The following WRN variants were observed in gnomAD, a reference collection of about 807,000 sequenced individuals.
WRN encodes bifunctional 3'-5' exonuclease/ATP-dependent helicase WRN.
WRN carries 149 observed loss-of-function variants against 180.7 expected under a neutral mutation model. That is an observed-to-expected ratio of 0.82 (90% confidence interval 0.72 to 0.94). The LOEUF (loss-of-function observed/expected upper bound fraction) is 0.94, where lower values mean the gene tolerates loss of function less well. WRN is among the 40% of genes least tolerant of loss of function. The probability of loss-of-function intolerance (pLI) is 0.00; values close to 1 mark genes in which losing one functional copy is unlikely to be tolerated. For synonymous variants in WRN, 548 were observed against 568.9 expected (o/e 0.96, Z 0.52); for missense variants, 1,661 against 1,700.1 (o/e 0.98, Z 0.40).
intron 1 of WRN, among the ~76,000 whole-genome samples, chr8:31,034,219 T>G (rs536656368): frequency 6.6e-6 from 1 of 152,316 alleles, no homozygotes; most frequent in East Asian, 1.9e-4. Context: ...AGCTTGATGT[T>G]TACCTTGCGC....
intron 14 of WRN, 37 bp from the exon 15 acceptor site, chr8:31,090,797 T>A (rs762890767): frequency 1.3e-6 from 2 of 1,500,278 alleles, no homozygotes; most frequent in South Asian, 2.4e-5. Flanking sequence ...ATTTCTATAT[T>A]TTTTTCATTT....
At chr8:31,060,173 T>C (rs1228362951) in intron 3 of WRN, among the ~76,000 whole-genome samples, 1 of 152,170 alleles carries the variant, frequency 6.6e-6, no homozygotes, top group Non-Finnish European at 1.5e-5. Context: ...AATCTAAGGC[T>C]CTCAAAGCAT....
intron 19 of WRN, among the ~76,000 whole-genome samples, chr8:31,112,935 G>T (rs1180467768): frequency 6.6e-6 from 1 of 151,972 alleles, no homozygotes; most frequent in Non-Finnish European, 1.5e-5. Context: ...TCCAATCATG[G>T]TGTCTCACAC....
chr8:31,154,898 G>GAAAACAACATTCTCTTTT, intron 32 of WRN, 143 bp downstream of exon 32: 1 of 1,165,754 alleles, frequency 8.6e-7, no homozygotes, highest in Non-Finnish European at 1.2e-6. Flanking sequence ...AATTTTAAAA[G>GAAAACAACATTCTCTTTT]AGAATGTTGT....
chr8:31,037,067 T>C (rs1430151776), intron 1 of WRN, among the ~76,000 whole-genome samples: 1 of 152,212 alleles, frequency 6.6e-6, no homozygotes, highest in African/African-American at 2.4e-5. Context: ...TCTATTATTA[T>C]TACATTGTAA....
chr8:31,152,010 G>T (rs1037913234), intron 31 of WRN, among the ~76,000 whole-genome samples: 3 of 151,838 alleles, frequency 2.0e-5, no homozygotes, highest in Admixed American at 2.0e-4. Flanking sequence ...GGAAAAATAT[G>T]CTAAAATATT....
Position 31,137,400 on chromosome 8 carries a change from T to C in WRN, c.2968-4030T>C, listed in dbSNP as rs189566759. Among the ~76,000 whole-genome samples the C allele has an allele frequency of 2.3e-3, 355 of 152,210 alleles. 2 individuals carry two copies. The highest frequency in any genetic ancestry group is 4.8e-3 in the South Asian group (23 of 4,814). On this transcript the variant is annotated intron_variant, in intron 24 of 34. Transcript: ENST00000298139. ...TTCTAGTTAGGGAACTTAATACCTT[T>C]GAAGTTATTAGTTTGCAAGCAATAG...
chr8:31,152,566 G>T (rs1043032103), intron 31 of WRN, among the ~76,000 whole-genome samples: 2 of 151,728 alleles, frequency 1.3e-5, no homozygotes, highest in African/African-American at 4.8e-5. Flanking sequence ...AAGATGAGTG[G>T]TCAATTATAG....
chr8:31,080,562 T>C (rs1250634234), intron 8 of WRN, among the ~76,000 whole-genome samples: 1 of 151,996 alleles, frequency 6.6e-6, no homozygotes, highest in African/African-American at 2.4e-5. Context: ...ATCAACTTTC[T>C]TTACATTTAA....
At position 31,152,620 on chromosome 8, in the gene WRN, G is replaced by A. The variant is rs141680845; in HGVS notation, c.3688-2004G>A. On this transcript the variant is annotated intron_variant, in intron 31 of 34. Coordinates refer to ENST00000298139, the MANE Select transcript of WRN (RefSeq NM_000553.6). ...GGCAATAAGGACAAAAGTTGGCAAAGCTTACCTAAGCACTCTTCAGATAAA... is the reference window on the plus strand; with the variant it reads ...GGCAATAAGGACAAAAGTTGGCAAAACTTACCTAAGCACTCTTCAGATAAA... Among the ~76,000 whole-genome samples, 190 of 152,076 alleles carry A rather than the reference G, an allele frequency of 1.2e-3. 1 individual carries two copies. Among genetic ancestry groups the A allele is most frequent in the African/African-American group, 4.3e-3 (177 of 41,502 alleles).
rs191330927 is a variant in WRN, at chr8:31,160,959, G to T, written c.3982+3429G>T. ...GCCAAGATTGTGTCATTGTACTACAGTCTGGACAACAGAGTGAGACTCTGT... is the reference window on the plus strand; with the variant it reads ...GCCAAGATTGTGTCATTGTACTACATTCTGGACAACAGAGTGAGACTCTGT... On this transcript the variant is annotated intron_variant, in intron 33 of 34. Coordinates refer to ENST00000298139, the MANE Select transcript of WRN (RefSeq NM_000553.6). 5.1e-3 allele frequency among the ~76,000 whole-genome samples: 764 copies of T among 150,810 alleles called. 24 individuals carry two copies. Among genetic ancestry groups the T allele is most frequent in the Admixed American group, 0.045 (687 of 15,190 alleles).
At chr8:31,070,907 G>C (rs1812889880) in intron 7 of WRN, among the ~76,000 whole-genome samples, 1 of 152,058 alleles carries the variant, frequency 6.6e-6, no homozygotes, top group African/African-American at 2.4e-5. Flanking sequence ...TTAGCTGAGT[G>C]TGGTGACGGG....
At chr8:31,135,876 T>C (rs1477061573) in intron 24 of WRN, among the ~76,000 whole-genome samples, 1 of 152,208 alleles carries the variant, frequency 6.6e-6, no homozygotes, top group Non-Finnish European at 1.5e-5. Context: ...AAGACTTTGC[T>C]TTTACCGGAA....
chr8:31,064,845 T>G lies in WRN; in HGVS notation c.356-70T>G, dbSNP rs986860495. 7.2e-6 allele frequency: 11 copies of G among 1,529,146 alleles called. No individual in the cohort carries two copies. The African/African-American group carries it at 1.1e-4, about 15-fold the overall frequency. 94.7% of individuals were successfully genotyped at this position (1,529,146 alleles called of 1,614,324 possible). On this transcript the variant is annotated intron_variant, in intron 4 of 34. Coordinates refer to ENST00000298139, the MANE Select transcript of WRN (RefSeq NM_000553.6). ...TACAAATTTACACATAAACATGGTA[T>G]GTATAAGAAGTAGGACATAAATCCA...
chr8:31,157,316 C>T (rs149227316), intron 32 of WRN, 52 bp from the exon 33 acceptor site: 1 of 1,608,546 alleles, frequency 6.2e-7, no homozygotes, highest in East Asian at 2.2e-5. Context: ...ATTTCCATGA[C>T]TGGAGTGGAC....
chr8:31,139,087 C>A (rs1802507487), intron 24 of WRN, among the ~76,000 whole-genome samples: 2 of 152,248 alleles, frequency 1.3e-5, no homozygotes, highest in South Asian at 4.2e-4. Flanking sequence ...GTATGTCGTT[C>A]TTGTTCTGTT....
chr8:31,139,047 A>C (rs1481645684), intron 24 of WRN, among the ~76,000 whole-genome samples: 2 of 152,200 alleles, frequency 1.3e-5, no homozygotes, highest in Non-Finnish European at 2.9e-5. Flanking sequence ...AAGATTCTCA[A>C]ATATTAAAAC....
intron 9 of WRN, among the ~76,000 whole-genome samples, chr8:31,082,230 A>C (rs1354387351): frequency 6.6e-6 from 1 of 152,182 alleles, no homozygotes. Context: ...AAATTACTTA[A>C]GATGCCTATA....
chr8:31,078,195 T>A (rs1201843668), intron 8 of WRN, among the ~76,000 whole-genome samples: 1 of 152,216 alleles, frequency 6.6e-6, no homozygotes, highest in East Asian at 1.9e-4. Context: ...ATATTGAAGC[T>A]GAATAGGTTT....
Sources: gnomAD v4.1 joint callset for allele counts (sites outside exome capture counted in the v4.1 genomes callset) on GRCh38, gnomAD v4.1.1 for gene constraint, MANE v1.5 for transcripts, NCBI Gene and HGNC (gene_info 2026-07-23, HGNC 2026-07-21) for gene names.